HS6ST3: variants seen among roughly 807,000 people sequenced by gnomAD.
HS6ST3 encodes heparan sulfate 6-O-sulfotransferase 3.
Under a neutral mutation model 36.7 loss-of-function variants are expected in HS6ST3, and 12 were observed. That is an observed-to-expected ratio of 0.33 (90% CI 0.21 to 0.53). HS6ST3 has a LOEUF of 0.53. HS6ST3 is among the 20% of genes least tolerant of loss of function. The pLI is 0.95. For synonymous variants in HS6ST3, 240 were observed against 257.5 expected (o/e 0.93, Z 0.65); for missense variants, 584 against 640.9 (o/e 0.91, Z 0.96).
chr13:96,461,871 T>A (rs984947491), intron 1 of HS6ST3, among the ~76,000 whole-genome samples: 6 of 151,974 alleles, frequency 3.9e-5, no homozygotes, highest in African/African-American at 1.5e-4. Context: ...TAGAAAAAAA[T>A]AAAAATTATA....
At chr13:96,646,130 A>C (rs2056587759) in intron 1 of HS6ST3, among the ~76,000 whole-genome samples, 1 of 152,040 alleles carries the variant, frequency 6.6e-6, no homozygotes, top group Non-Finnish European at 1.5e-5. Flanking sequence ...TAAAAAATAA[A>C]TAATGTCGCC....
At chr13:96,430,015 T>G (rs2055607115) in intron 1 of HS6ST3, among the ~76,000 whole-genome samples, 1 of 152,232 alleles carries the variant, frequency 6.6e-6, no homozygotes, top group Admixed American at 6.5e-5. Flanking sequence ...AGAATCTAAA[T>G]TGACGCTGAT....
At chr13:96,465,635 G>A (rs148979227) in intron 1 of HS6ST3, among the ~76,000 whole-genome samples, 62 of 152,266 alleles carry the variant, frequency 4.1e-4, no homozygotes, top group African/African-American at 1.4e-3. Context: ...AAAATATGGC[G>A]TGATCGTGGA....
At chr13:96,177,439 C>A (rs1440812180) in intron 1 of HS6ST3, among the ~76,000 whole-genome samples, 1 of 151,994 alleles carries the variant, frequency 6.6e-6, no homozygotes, top group Non-Finnish European at 1.5e-5. Context: ...TATTATGCCA[C>A]CATAATAAAG....
At chr13:96,829,708 A>C (rs942400080) in intron 1 of HS6ST3, among the ~76,000 whole-genome samples, 10 of 152,070 alleles carry the variant, frequency 6.6e-5, no homozygotes, top group African/African-American at 2.2e-4. Context: ...TATATACCAC[A>C]TTTTCTTTAT....
chr13:96,684,692 A>G (rs1874719587), intron 1 of HS6ST3, among the ~76,000 whole-genome samples: 1 of 151,764 alleles, frequency 6.6e-6, no homozygotes, highest in Non-Finnish European at 1.5e-5. Flanking sequence ...ATCCTTTCAC[A>G]CTCTTGCTAC....
At chr13:96,464,829 G>A (rs1441806165) in intron 1 of HS6ST3, among the ~76,000 whole-genome samples, 1 of 152,074 alleles carries the variant, frequency 6.6e-6, no homozygotes, top group African/African-American at 2.4e-5. Flanking sequence ...ATTGATTTTA[G>A]ATTATAAAGG....
intron 1 of HS6ST3, among the ~76,000 whole-genome samples, chr13:96,754,166 CA>C (rs1036073054): frequency 2.6e-5 from 4 of 152,132 alleles, no homozygotes; most frequent in Non-Finnish European, 5.9e-5. Context: ...TTACTGAACT[CA>C]AAACATCCCC....
chr13:96,665,017 C>CA (rs2138427175), intron 1 of HS6ST3, among the ~76,000 whole-genome samples: 1 of 152,054 alleles, frequency 6.6e-6, no homozygotes, highest in South Asian at 2.1e-4. Flanking sequence ...ACAAAAAATA[C>CA]AAAAATTTGC....
chr13:96,824,918 G>A (rs1043063634), intron 1 of HS6ST3, among the ~76,000 whole-genome samples: 4 of 152,146 alleles, frequency 2.6e-5, no homozygotes, highest in African/African-American at 9.7e-5. Context: ...GGAATCAAAG[G>A]TGAGTCAGGC....
chr13:96,364,312 G>T (rs528496141), intron 1 of HS6ST3, among the ~76,000 whole-genome samples: 2 of 152,256 alleles, frequency 1.3e-5, no homozygotes, highest in Admixed American at 1.3e-4. Flanking sequence ...GTTCATAGCA[G>T]CATTATTGAT....
chr13:96,615,196 T>C (rs956923900), intron 1 of HS6ST3, among the ~76,000 whole-genome samples: 1 of 152,248 alleles, frequency 6.6e-6, no homozygotes, highest in African/African-American at 2.4e-5. Flanking sequence ...ACATGCTTTG[T>C]AACTTACAAA....
chr13:96,453,475 A>G (rs1367602354), intron 1 of HS6ST3, among the ~76,000 whole-genome samples: 1 of 152,188 alleles, frequency 6.6e-6, no homozygotes, highest in African/African-American at 2.4e-5. Context: ...CCCTTGAAAG[A>G]TTAGGCCAGC....
chr13:96,492,216 C>T (rs1401562393), intron 1 of HS6ST3, among the ~76,000 whole-genome samples: 1 of 152,176 alleles, frequency 6.6e-6, no homozygotes, highest in East Asian at 1.9e-4. Context: ...TGGGTTCATT[C>T]TCTCTGCTTT....
intron 1 of HS6ST3, among the ~76,000 whole-genome samples, chr13:96,401,950 A>G (rs2055454063): frequency 6.6e-6 from 1 of 152,214 alleles, no homozygotes; most frequent in Non-Finnish European, 1.5e-5. Context: ...AATCCAAATT[A>G]TGAACTACTT....
chr13:96,811,011 T>C (rs907758927), intron 1 of HS6ST3, among the ~76,000 whole-genome samples: 3 of 151,524 alleles, frequency 2.0e-5, no homozygotes, highest in Non-Finnish European at 4.4e-5. Flanking sequence ...AGATCCCCCC[T>C]CCCCCCAACT....
At chr13:96,386,805 G>A (rs1370435103) in intron 1 of HS6ST3, among the ~76,000 whole-genome samples, 1 of 152,208 alleles carries the variant, frequency 6.6e-6, no homozygotes, top group South Asian at 2.1e-4. Flanking sequence ...GGCAGAGGTT[G>A]CAGTGAGCTG....
chr13:96,749,360 A>T (rs1475829559), intron 1 of HS6ST3, among the ~76,000 whole-genome samples: 2 of 152,190 alleles, frequency 1.3e-5, no homozygotes, highest in Non-Finnish European at 2.9e-5. Context: ...TTAATTACAC[A>T]TATCTCTCTA....
intron 1 of HS6ST3, among the ~76,000 whole-genome samples, chr13:96,600,774 T>G: frequency 6.6e-6 from 1 of 152,174 alleles, no homozygotes; most frequent in South Asian, 2.1e-4. Flanking sequence ...GTGAGTTTTA[T>G]GCTTTCAAGT....
Sources: gnomAD v4.1 joint callset for allele counts (sites outside exome capture counted in the v4.1 genomes callset) on GRCh38, gnomAD v4.1.1 for gene constraint, MANE v1.5 for transcripts, NCBI Gene and HGNC (gene_info 2026-07-23, HGNC 2026-07-21) for gene names.